SUSD1: variants seen among roughly 807,000 people sequenced by gnomAD.
SUSD1 encodes sushi domain containing 1, also known as sushi domain-containing protein 1.
A neutral mutation model predicts 86.9 loss-of-function variants in SUSD1; 65 were observed. The ratio of observed to expected loss-of-function variants is 0.75; its 90% CI spans 0.61 to 0.92. The LOEUF (loss-of-function observed/expected upper bound fraction) is 0.92. SUSD1 is among the 40% of genes least tolerant of loss of function. The pLI is 0.00. For synonymous variants in SUSD1, 346 were observed against 350.0 expected, an observed-to-expected ratio of 0.99 and a Z score of 0.13; for missense variants, 850 against 929.7, an observed-to-expected ratio of 0.91 and a Z score of 1.11.
At chr9:112,108,774 C>CAAAAAAAAAAAAAA (rs11312103) in intron 8 of SUSD1, among the ~76,000 whole-genome samples, 3 of 68,580 alleles carry the variant, frequency 4.4e-5, no homozygotes, top group East Asian at 3.5e-4. Flanking sequence ...CTGGGTGTCT[C>CAAAAAAAAAAAAAA]AAAAAAAAAA....
intron 8 of SUSD1, among the ~76,000 whole-genome samples, chr9:112,110,327 C>T (rs1235562585): frequency 6.6e-5 from 10 of 151,946 alleles, no homozygotes; most frequent in African/African-American, 4.8e-5. Context: ...CCAGCCTGGG[C>T]GACAGGGCAA....
chr9:112,089,811 CAAAAAA>C (rs3983407), intron 10 of SUSD1, among the ~76,000 whole-genome samples: 22,227 of 115,754 alleles, frequency 0.19, 1,819 homozygotes, highest in African/African-American at 0.3. Flanking sequence ...GATTCCATCT[CAAAAAA>C]AAAAAAAAAA....
chr9:112,158,476 G>C (rs897622400), intron 1 of SUSD1, among the ~76,000 whole-genome samples: 2 of 151,740 alleles, frequency 1.3e-5, no homozygotes, highest in African/African-American at 4.8e-5. Flanking sequence ...CTGCAGCCTT[G>C]ACCTCCCGGG....
rs1055753650 is a variant in SUSD1, at chr9:112,082,219, A to T, written c.1475-2054T>A. On this transcript the variant is annotated intron_variant, in intron 10 of 16. Transcript: ENST00000374270. ...ATCAAACATGAAACTGTTTGAAAAT[A>T]ACAGAAAGGCAACATACAAAAACTG... 5.9e-5 allele frequency among the ~76,000 whole-genome samples: 9 copies of T among 152,346 alleles called. No individual in the cohort carries two copies. In the South Asian group the frequency reaches 1.9e-3, roughly 32 times the overall value.
chr9:112,123,555 T>G (rs1045181254), intron 6 of SUSD1, among the ~76,000 whole-genome samples: 4 of 152,132 alleles, frequency 2.6e-5, no homozygotes, highest in African/African-American at 9.7e-5. Flanking sequence ...ATCCCAGCAC[T>G]TTAGGAGGCC....
intron 10 of SUSD1, among the ~76,000 whole-genome samples, chr9:112,084,221 A>G (rs773397359): frequency 7.9e-5 from 12 of 152,208 alleles, no homozygotes; most frequent in Middle Eastern, 3.2e-3. Context: ...AATGACAAAA[A>G]CTTGAAAGGG....
chr9:112,148,708 C>A (rs1295612727), intron 3 of SUSD1, among the ~76,000 whole-genome samples: 3 of 152,090 alleles, frequency 2.0e-5, no homozygotes, highest in Non-Finnish European at 4.4e-5. Flanking sequence ...GAGTTTGAGA[C>A]CAGCCTGGCC....
At chr9:112,041,632 G>A (rs1827741710) in intron 16 of SUSD1, 140 bp from the exon 17 acceptor site, 1 of 716,022 alleles carries the variant, frequency 1.4e-6, no homozygotes, top group African/African-American at 1.7e-5. Flanking sequence ...CCACCCCTCT[G>A]TGTGTGGCCA....
At chr9:112,097,007 G>A (rs1191201986) in intron 10 of SUSD1, among the ~76,000 whole-genome samples, 1 of 134,862 alleles carries the variant, frequency 7.4e-6, no homozygotes, top group Non-Finnish European at 1.6e-5. Flanking sequence ...CAAGGTGCCA[G>A]GCTCAATCTG....
intron 15 of SUSD1, among the ~76,000 whole-genome samples, chr9:112,051,682 C>T (rs746078383): frequency 2.0e-5 from 3 of 151,992 alleles, no homozygotes; most frequent in Admixed American, 6.6e-5. Flanking sequence ...TCACCTGCCT[C>T]GGCCTCCCAA....
intron 5 of SUSD1, among the ~76,000 whole-genome samples, chr9:112,135,473 A>G (rs1832222127): frequency 6.6e-6 from 1 of 152,194 alleles, no homozygotes; most frequent in South Asian, 2.1e-4. Flanking sequence ...GTTAAGGGAA[A>G]AAAAGGGCTT....
In SUSD1 at chr9:112,158,024, A is replaced by C. The variant is rs149428249; in HGVS notation, c.104-411T>G. Among the ~76,000 whole-genome samples the C allele has an allele frequency of 5.2e-4, 78 of 151,096 alleles. 1 individual carries two copies. Among genetic ancestry groups the C allele is most frequent in the African/African-American group, 1.8e-3 (74 of 41,132 alleles). ...TTTCTTGTAGACACAGGGTTTTGCC[A>C]TGTTGCCCAGGCTGGTCTCGAAATC... On this transcript the variant is annotated intron_variant, in intron 1 of 16. Transcript: ENST00000374270.
intron 10 of SUSD1, among the ~76,000 whole-genome samples, chr9:112,084,903 T>C (rs1401556178): frequency 6.6e-6 from 1 of 152,038 alleles, no homozygotes. Flanking sequence ...AATGAAACTT[T>C]GTTTCTGCTT....
chr9:112,117,731 G>T (rs756919747), intron 6 of SUSD1, among the ~76,000 whole-genome samples: 1 of 152,018 alleles, frequency 6.6e-6, no homozygotes, highest in Non-Finnish European at 1.5e-5. Context: ...TCTATCCTCA[G>T]GCCCTAGCAC....
At chr9:112,091,628 GT>G (rs1830209706) in intron 10 of SUSD1, among the ~76,000 whole-genome samples, 1 of 152,160 alleles carries the variant, frequency 6.6e-6, no homozygotes, top group South Asian at 2.1e-4. Context: ...TATATAGACA[GT>G]TGGCTTTGCA....
At chr9:112,095,241 G>C (rs1354415547) in intron 10 of SUSD1, among the ~76,000 whole-genome samples, 1 of 152,120 alleles carries the variant, frequency 6.6e-6, no homozygotes, top group Non-Finnish European at 1.5e-5. Flanking sequence ...AGCAAATATA[G>C]AGAAGGAAAA....
intron 2 of SUSD1, among the ~76,000 whole-genome samples, chr9:112,150,729 C>T (rs986913888): frequency 7.9e-5 from 12 of 152,174 alleles, no homozygotes; most frequent in Non-Finnish European, 4.4e-5. Flanking sequence ...CCGTAGGCAA[C>T]TGTAACACAG....
At chr9:112,112,693 G>A (rs1281183757) in intron 7 of SUSD1, 78 bp downstream of exon 7, 4 of 927,304 alleles carry the variant, frequency 4.3e-6, no homozygotes, top group African/African-American at 1.7e-5. Flanking sequence ...AAGCTCTCAC[G>A]GAAGCAAGTC....
intron 12 of SUSD1, among the ~76,000 whole-genome samples, chr9:112,069,622 T>C (rs946261187): frequency 1.3e-5 from 2 of 152,202 alleles, no homozygotes; most frequent in African/African-American, 4.8e-5. Context: ...ACGTGTCTCC[T>C]CTTCTCAGCC....
Sources: gnomAD v4.1 joint callset for allele counts (sites outside exome capture counted in the v4.1 genomes callset) on GRCh38, gnomAD v4.1.1 for gene constraint, MANE v1.5 for transcripts, NCBI Gene and HGNC (gene_info 2026-07-23, HGNC 2026-07-21) for gene names.